The following PCSK2 variants were observed in gnomAD, a reference collection of about 807,000 sequenced individuals.
PCSK2 encodes proprotein convertase subtilisin/kexin type 2.
In PCSK2, 14 loss-of-function variants were observed where a neutral mutation model predicts 69.7. The ratio of observed to expected loss-of-function variants is 0.20; its 90% CI spans 0.13 to 0.31. The LOEUF is 0.31. Ranked by LOEUF, PCSK2 falls within the 10% of genes least tolerant of loss-of-function variation. PCSK2 has a pLI of 1.00. For synonymous variants in PCSK2, 307 were observed against 320.7 expected (o/e 0.96, Z 0.46); for missense variants, 544 against 842.5 (o/e 0.65, Z 4.39).
At chr20:17,309,130 C>G (rs1479275491) in intron 2 of PCSK2, among the ~76,000 whole-genome samples, 1 of 152,118 alleles carries the variant, frequency 6.6e-6, no homozygotes, top group Non-Finnish European at 1.5e-5. Flanking sequence ...TGACCAGAGA[C>G]AGATCATGGA....
chr20:17,452,324 T>C (rs544167766), intron 8 of PCSK2, among the ~76,000 whole-genome samples: 2 of 152,318 alleles, frequency 1.3e-5, no homozygotes, highest in South Asian at 2.1e-4. Flanking sequence ...TTTTCCAGCA[T>C]AGATTTACCA....
intron 6 of PCSK2, among the ~76,000 whole-genome samples, chr20:17,410,786 C>T (rs149635081): frequency 6.6e-6 from 1 of 152,170 alleles, no homozygotes; most frequent in African/African-American, 2.4e-5. Flanking sequence ...TGCCATTAAG[C>T]TGGGGTTTAG....
At chr20:17,479,142 T>C (rs1454133051) in intron 11 of PCSK2, 5 of 1,367,834 alleles carry the variant, frequency 3.7e-6, no homozygotes, top group Non-Finnish European at 5.2e-6. Flanking sequence ...AGTTCTCCCA[T>C]CTTACGGTAC....
chr20:17,279,480 T>A (rs1487924576), intron 2 of PCSK2, among the ~76,000 whole-genome samples: 1 of 152,230 alleles, frequency 6.6e-6, no homozygotes, highest in Non-Finnish European at 1.5e-5. Context: ...TATGTTTCTA[T>A]TGACATGACA....
chr20:17,379,709 T>C (rs974642666), intron 5 of PCSK2, among the ~76,000 whole-genome samples: 2 of 152,200 alleles, frequency 1.3e-5, no homozygotes, highest in African/African-American at 4.8e-5. Flanking sequence ...TGATGAGATA[T>C]CACTCTTACA....
chr20:17,431,024 T>C (rs1383605834), intron 7 of PCSK2, among the ~76,000 whole-genome samples: 1 of 152,174 alleles, frequency 6.6e-6, no homozygotes, highest in Non-Finnish European at 1.5e-5. Flanking sequence ...TCATCAAATG[T>C]ATCTAATTCT....
chr20:17,462,558 A>G (rs976541221), intron 10 of PCSK2, among the ~76,000 whole-genome samples: 1 of 152,158 alleles, frequency 6.6e-6, no homozygotes, highest in East Asian at 1.9e-4. Flanking sequence ...CTCCCCCATC[A>G]TGACAGCCCT....
At chr20:17,375,852 A>G (rs953828749) in intron 5 of PCSK2, among the ~76,000 whole-genome samples, 2 of 152,298 alleles carry the variant, frequency 1.3e-5, no homozygotes, top group African/African-American at 4.8e-5. Flanking sequence ...ACTCAACTCC[A>G]CATCCTTCCC....
intron 2 of PCSK2, among the ~76,000 whole-genome samples, chr20:17,261,128 C>T (rs1017282702): frequency 2.0e-5 from 3 of 152,090 alleles, no homozygotes; most frequent in African/African-American, 4.8e-5. Flanking sequence ...ATCCCCCATA[C>T]CTACACACTC....
At chr20:17,460,257 G>A (rs954891652) in intron 10 of PCSK2, among the ~76,000 whole-genome samples, 1 of 151,624 alleles carries the variant, frequency 6.6e-6, no homozygotes, top group Admixed American at 6.6e-5. Flanking sequence ...GAGAGAGAAA[G>A]AAAGAGAAAA....
chr20:17,307,753 T>C (rs934617435), intron 2 of PCSK2, among the ~76,000 whole-genome samples: 3 of 152,122 alleles, frequency 2.0e-5, no homozygotes, highest in Non-Finnish European at 2.9e-5. Context: ...AAGCAATAAA[T>C]AAAAATCTAT....
At chr20:17,314,635 C>T (rs1264349164) in intron 2 of PCSK2, among the ~76,000 whole-genome samples, 1 of 152,202 alleles carries the variant, frequency 6.6e-6, no homozygotes, top group Middle Eastern at 3.2e-3. Flanking sequence ...TTTTACTACA[C>T]ATTAAGCCAG....
intron 6 of PCSK2, among the ~76,000 whole-genome samples, chr20:17,412,382 A>T (rs143094586): frequency 1.2e-3 from 176 of 152,358 alleles, no homozygotes; most frequent in African/African-American, 4.2e-3. Context: ...TTCGTGACGC[A>T]TGCAAAAGCT....
chr20:17,320,329 G>T (rs769564155), intron 2 of PCSK2, among the ~76,000 whole-genome samples: 1 of 152,132 alleles, frequency 6.6e-6, no homozygotes, highest in Non-Finnish European at 1.5e-5. Context: ...AGGGAGACTC[G>T]TTCCCTTGGT....
At chr20:17,378,763 A>C (rs2031007054) in intron 5 of PCSK2, among the ~76,000 whole-genome samples, 1 of 152,160 alleles carries the variant, frequency 6.6e-6, no homozygotes, top group Admixed American at 6.5e-5. Flanking sequence ...TTGGGATTTT[A>C]TTCCATTTAT....
chr20:17,371,294 A>G (rs1483934636), intron 5 of PCSK2, among the ~76,000 whole-genome samples: 2 of 152,150 alleles, frequency 1.3e-5, no homozygotes, highest in Admixed American at 1.3e-4. Flanking sequence ...CCAGATTCGA[A>G]AAAGATAGTC....
At chr20:17,424,783 G>A (rs544125616) in intron 6 of PCSK2, among the ~76,000 whole-genome samples, 18 of 145,904 alleles carry the variant, frequency 1.2e-4, no homozygotes, top group East Asian at 8.2e-4. Context: ...GAGCCACAGC[G>A]CCCAGCCTTT....
intron 1 of PCSK2, among the ~76,000 whole-genome samples, chr20:17,235,051 C>G (rs755683740): frequency 3.0e-4 from 45 of 152,176 alleles, no homozygotes; most frequent in Non-Finnish European, 5.0e-4. Flanking sequence ...TGAGTCAACA[C>G]TTCAGTCTGA....
rs2033418611 is a variant in PCSK2 at position 17,482,217 on chromosome 20, T to A, written c.*147T>A. 2.9e-6 allele frequency: 2 copies of A among 693,348 alleles called. No homozygotes were observed. The highest frequency in any genetic ancestry group is 3.2e-5 in the Admixed American group (1 of 31,076). The allele number at this position is 693,348 out of a possible 1,614,324, so 42.9% of individuals were successfully genotyped here. A position where few individuals can be genotyped will look rare whatever the true frequency, so the allele number is the denominator to read the frequency against. On this transcript the variant is annotated 3_prime_UTR_variant, in exon 12 of 12. Transcript: ENST00000262545. ...TGAAGCTTCACTCACTGTCAATGAT[T>A]ATTTTCATTACAATGGAAACAATCT...
Sources: gnomAD v4.1 joint callset for allele counts (sites outside exome capture counted in the v4.1 genomes callset) on GRCh38, gnomAD v4.1.1 for gene constraint, MANE v1.5 for transcripts, NCBI Gene and HGNC (gene_info 2026-07-23, HGNC 2026-07-21) for gene names.